The following FCHSD2 variants were observed in gnomAD, a reference collection of about 807,000 sequenced individuals.
FCHSD2 encodes the protein F-BAR and double SH3 domains protein 2.
FCHSD2 carries 38 observed loss-of-function variants against 108.1 expected under a neutral mutation model. The observed-to-expected ratio is 0.35, with a 90% CI of 0.27 to 0.46. The LOEUF is 0.46. Among genes scored for constraint, FCHSD2 ranks in the 20% least tolerant of loss-of-function variants. The pLI is 1.00. For missense variants in FCHSD2, 751 were observed against 897.8 expected, an observed-to-expected ratio of 0.84 and a Z score of 2.09; for synonymous variants, 279 against 314.7, an observed-to-expected ratio of 0.89 and a Z score of 1.20.
intron 8 of FCHSD2, among the ~76,000 whole-genome samples, chr11:72,971,415 C>T (rs1449226213): frequency 1.3e-5 from 2 of 152,076 alleles, no homozygotes; most frequent in Non-Finnish European, 2.9e-5. Flanking sequence ...GATTATGCTA[C>T]GTTAAATGGC....
chr11:72,866,433 C>T (rs1278389930), intron 13 of FCHSD2, among the ~76,000 whole-genome samples: 1 of 152,064 alleles, frequency 6.6e-6, no homozygotes, highest in Admixed American at 6.6e-5. Context: ...CCATGCCTGG[C>T]TAATTTTTGT....
intron 8 of FCHSD2, among the ~76,000 whole-genome samples, chr11:72,972,024 C>T (rs1014791915): frequency 6.6e-6 from 1 of 152,056 alleles, no homozygotes; most frequent in African/African-American, 2.4e-5. Context: ...ATAGATGCAT[C>T]TTATTGTATA....
At chr11:73,107,789 T>C (rs1423342820) in intron 2 of FCHSD2, among the ~76,000 whole-genome samples, 2 of 152,252 alleles carry the variant, frequency 1.3e-5, no homozygotes, top group Admixed American at 1.3e-4. Flanking sequence ...CATTCTTTTT[T>C]ATGGCTGAAT....
intron 3 of FCHSD2, among the ~76,000 whole-genome samples, chr11:73,041,857 TC>T (rs1416624999): frequency 1.3e-5 from 2 of 152,202 alleles, no homozygotes; most frequent in Non-Finnish European, 2.9e-5. Context: ...GAGTATTTCC[TC>T]TATGTTTTAT....
chr11:72,864,395 A>C (rs769651678), intron 13 of FCHSD2, among the ~76,000 whole-genome samples: 8 of 152,138 alleles, frequency 5.3e-5, no homozygotes, highest in Non-Finnish European at 1.2e-4. Context: ...AAATACAAAA[A>C]TTAGCTGGGC....
At chr11:72,945,387 C>A (rs949638224) in intron 8 of FCHSD2, among the ~76,000 whole-genome samples, 1 of 152,134 alleles carries the variant, frequency 6.6e-6, no homozygotes, top group Admixed American at 6.6e-5. Flanking sequence ...ACACCTTATA[C>A]AAAAATTAAT....
At position 72,838,519 on chromosome 11, in the gene FCHSD2, T is replaced by C. The variant is rs938739597; in HGVS notation, c.*272A>G. 2.0e-5 allele frequency: 10 copies of C among 502,222 alleles called. No individual in the cohort carries two copies. The highest frequency in any genetic ancestry group is 1.9e-4 in the African/African-American group (10 of 51,790). The allele number at this position is 502,222 out of a possible 1,614,324, so 31.1% of individuals were successfully genotyped here. On this transcript the variant is annotated 3_prime_UTR_variant, in exon 20 of 20. Transcript: ENST00000409418. The stretch of plus-strand genomic sequence containing the variant: ...GTCTCATATAAAAACAGACCACTGT[T>C]AGGCATGAGGGCTGCCCCCCTCTTT...
intron 2 of FCHSD2, among the ~76,000 whole-genome samples, chr11:73,115,514 G>C (rs143652784): frequency 1.3e-5 from 2 of 152,020 alleles, no homozygotes; most frequent in African/African-American, 4.8e-5. Context: ...CTATACTTTC[G>C]TGTCGTTTTC....
chr11:72,872,153 G>C (rs907702948), intron 12 of FCHSD2, among the ~76,000 whole-genome samples: 3 of 152,074 alleles, frequency 2.0e-5, no homozygotes, highest in African/African-American at 7.2e-5. Flanking sequence ...TTTTGGCTTA[G>C]AGGCACTCCA....
At chr11:73,131,406 G>A (rs1860997756) in intron 2 of FCHSD2, among the ~76,000 whole-genome samples, 1 of 151,570 alleles carries the variant, frequency 6.6e-6, no homozygotes, top group South Asian at 2.1e-4. Flanking sequence ...GCGGGCACCT[G>A]TAGTCCCACC....
At chr11:73,106,601 G>A (rs1221049698) in intron 2 of FCHSD2, among the ~76,000 whole-genome samples, 2 of 151,868 alleles carry the variant, frequency 1.3e-5, no homozygotes, top group African/African-American at 4.8e-5. Context: ...GCAGGGTCAT[G>A]AAACTTATTG....
intron 8 of FCHSD2, among the ~76,000 whole-genome samples, chr11:72,957,140 G>T (rs957951778): frequency 4.7e-5 from 7 of 148,932 alleles, no homozygotes; most frequent in African/African-American, 1.2e-4. Flanking sequence ...CCACTAACTC[G>T]TCAGCTAGCA....
intron 8 of FCHSD2, among the ~76,000 whole-genome samples, chr11:72,930,364 T>C (rs185384171): frequency 6.6e-6 from 1 of 152,354 alleles, no homozygotes; most frequent in African/African-American, 2.4e-5. Context: ...TTGTACATAC[T>C]GAAGATCACC....
chr11:72,964,359 T>C (rs950478878), intron 8 of FCHSD2, among the ~76,000 whole-genome samples: 5 of 152,228 alleles, frequency 3.3e-5, no homozygotes, highest in African/African-American at 1.2e-4. Flanking sequence ...TCTTCTTTGA[T>C]GTCATTATAC....
intron 4 of FCHSD2, among the ~76,000 whole-genome samples, chr11:73,004,109 CAAAAAAAAAAAAAAA>C (rs58773322): frequency 7.0e-5 from 3 of 43,044 alleles, no homozygotes; most frequent in African/African-American, 9.6e-5. Flanking sequence ...ACTCCAACTC[CAAAAAAAAAAAAAAA>C]AAAAAAAAAA....
At position 72,846,181 on chromosome 11, in the gene FCHSD2, C is replaced by CTTTTTTTT. The variant is rs35708688; in HGVS notation, c.1444-2657_1444-2650dup. Among the ~76,000 whole-genome samples, 2 of 137,120 alleles carry CTTTTTTTT rather than the reference C, an allele frequency of 1.5e-5. 1 individual carries two copies. The highest frequency in any genetic ancestry group is 3.2e-5 in the Non-Finnish European group (2 of 63,368). The allele number at this position is 137,120 out of a possible 152,430, so 90.0% of individuals were successfully genotyped here. A position where few individuals can be genotyped will look rare whatever the true frequency, so the allele number is the denominator to read the frequency against. On this transcript the variant is annotated intron_variant, in intron 14 of 19. Coordinates refer to ENST00000409418, the MANE Select transcript of FCHSD2 (RefSeq NM_014824.3). ...TGAGTAAGCTGCTCCTCCTTTTGCT[C>CTTTTTTTT]TTTTTTTTTTTTTTTTTGAGACGGA... is the stretch of plus-strand genomic sequence containing the variant.
intron 2 of FCHSD2, among the ~76,000 whole-genome samples, chr11:73,118,275 T>C (rs572025673): frequency 3.5e-4 from 54 of 152,214 alleles, no homozygotes; most frequent in South Asian, 8.3e-4. Context: ...GCCGAGACTG[T>C]GCCACTGCAC....
intron 2 of FCHSD2, among the ~76,000 whole-genome samples, chr11:73,111,963 A>G (rs948390491): frequency 3.9e-5 from 6 of 152,184 alleles, no homozygotes; most frequent in African/African-American, 1.4e-4. Flanking sequence ...TGTCTTTAAA[A>G]GCTGTTGTAG....
intron 9 of FCHSD2, among the ~76,000 whole-genome samples, chr11:72,908,235 A>C (rs1295223746): frequency 6.6e-6 from 1 of 152,192 alleles, no homozygotes; most frequent in African/African-American, 2.4e-5. Context: ...TGGCTGAATA[A>C]TACTCCATTG....
Sources: gnomAD v4.1 joint callset for allele counts (sites outside exome capture counted in the v4.1 genomes callset) on GRCh38, gnomAD v4.1.1 for gene constraint, MANE v1.5 for transcripts, NCBI Gene and HGNC (gene_info 2026-07-23, HGNC 2026-07-21) for gene names.